The following CSMD1 variants were observed in gnomAD, a reference collection of about 807,000 sequenced individuals.
CSMD1 encodes the protein CUB and Sushi multiple domains 1.
Under a neutral mutation model 417.5 loss-of-function variants are expected in CSMD1, and 213 were observed. The observed-to-expected ratio is 0.51, with a 90% CI of 0.46 to 0.57. CSMD1 has a LOEUF of 0.57. CSMD1 is among the 20% of genes least tolerant of loss of function. The pLI is 0.00. For synonymous variants in CSMD1, 2,862 were observed against 1,736.8 expected (o/e 1.65, Z -16.11); for missense variants, 6,923 against 4,529.7 (o/e 1.53, Z -15.17).
intron 3 of CSMD1, among the ~76,000 whole-genome samples, chr8:4,182,043 T>G (rs76330293): frequency 7.4e-5 from 5 of 67,740 alleles, no homozygotes; most frequent in Admixed American, 6.4e-4. Flanking sequence ...TGTGTGTGTG[T>G]CGGTGTGTGT....
chr8:3,057,794 T>C (rs1189440284), intron 49 of CSMD1, among the ~76,000 whole-genome samples: 1 of 152,228 alleles, frequency 6.6e-6, no homozygotes, highest in Non-Finnish European at 1.5e-5. Flanking sequence ...TGATTATGTA[T>C]TTTCAATTTT....
chr8:4,068,383 G>T (rs2042527), intron 3 of CSMD1, among the ~76,000 whole-genome samples: 55,565 of 151,942 alleles, frequency 0.37, 10,917 homozygotes, highest in South Asian at 0.49. Flanking sequence ...CCATGGGAGT[G>T]TGACTTTTAT....
intron 42 of CSMD1, among the ~76,000 whole-genome samples, chr8:3,110,996 T>C (rs1445098796): frequency 6.6e-6 from 1 of 152,336 alleles, no homozygotes; most frequent in Admixed American, 6.5e-5. Flanking sequence ...GAAAATGACA[T>C]GTCCAAACAC....
intron 2 of CSMD1, among the ~76,000 whole-genome samples, chr8:4,605,319 T>C (rs1800809097): frequency 6.6e-6 from 1 of 152,164 alleles, no homozygotes; most frequent in South Asian, 2.1e-4. Flanking sequence ...GGGTGGGTTC[T>C]CTTGAAGCAA....
chr8:3,783,121 G>T (rs190796822), intron 5 of CSMD1, among the ~76,000 whole-genome samples: 1 of 152,086 alleles, frequency 6.6e-6, no homozygotes, highest in East Asian at 1.9e-4. Flanking sequence ...CCCTTCTCGG[G>T]ATTTATCCAG....
intron 3 of CSMD1, among the ~76,000 whole-genome samples, chr8:4,233,429 C>T (rs909513308): frequency 1.3e-5 from 2 of 152,124 alleles, no homozygotes; most frequent in East Asian, 1.9e-4. Flanking sequence ...AACCTGACCC[C>T]GAATGTGATG....
chr8:4,340,059 G>C (rs189473521), intron 3 of CSMD1, among the ~76,000 whole-genome samples: 21 of 152,134 alleles, frequency 1.4e-4, no homozygotes, highest in African/African-American at 5.1e-4. Context: ...GTATGTTTTA[G>C]GACTGACTCT....
At chr8:3,622,411 A>G (rs774181348) in intron 7 of CSMD1, among the ~76,000 whole-genome samples, 18 of 152,156 alleles carry the variant, frequency 1.2e-4, no homozygotes, top group Admixed American at 6.5e-4. Context: ...AATACAACAC[A>G]CCAAGGCTTA....
chr8:4,284,444 C>G (rs1796952198), intron 3 of CSMD1, among the ~76,000 whole-genome samples: 1 of 149,672 alleles, frequency 6.7e-6, no homozygotes, highest in African/African-American at 2.5e-5. Flanking sequence ...TACCTCCACT[C>G]CGTGTTCCCT....
At chr8:4,981,571 T>C (rs748664048) in intron 1 of CSMD1, among the ~76,000 whole-genome samples, 4 of 152,218 alleles carry the variant, frequency 2.6e-5, no homozygotes, top group Admixed American at 6.5e-5. Context: ...CATTTATTAT[T>C]TATGTTTGTT....
At chr8:4,592,088 G>A (rs981330904) in intron 2 of CSMD1, among the ~76,000 whole-genome samples, 1 of 152,062 alleles carries the variant, frequency 6.6e-6, no homozygotes, top group African/African-American at 2.4e-5. Flanking sequence ...GTAGGGACAT[G>A]CTGGTAGATG....
chr8:3,194,610 A>G (rs1448772823), intron 33 of CSMD1, among the ~76,000 whole-genome samples: 1 of 148,684 alleles, frequency 6.7e-6, no homozygotes, highest in Admixed American at 6.9e-5. Context: ...GGCACATGCC[A>G]CCACACTTGG....
At chr8:4,908,330 T>A (rs1264156909) in intron 1 of CSMD1, among the ~76,000 whole-genome samples, 1 of 152,190 alleles carries the variant, frequency 6.6e-6, no homozygotes, top group Non-Finnish European at 1.5e-5. Context: ...TATAGGTAGG[T>A]GTAGATAATT....
intron 5 of CSMD1, among the ~76,000 whole-genome samples, chr8:3,767,885 G>C (rs62479698): frequency 6.6e-6 from 1 of 151,938 alleles, no homozygotes; most frequent in Non-Finnish European, 1.5e-5. Flanking sequence ...TATATATCAT[G>C]GTAAAAAGTT....
chr8:3,440,599 C>T (rs979768889), intron 12 of CSMD1, among the ~76,000 whole-genome samples: 2 of 152,080 alleles, frequency 1.3e-5, no homozygotes, highest in African/African-American at 4.8e-5. Flanking sequence ...CAAGTAGAGT[C>T]AGGTTTACTG....
chr8:3,651,904 T>C (rs1453229762), intron 7 of CSMD1, among the ~76,000 whole-genome samples: 2 of 144,938 alleles, frequency 1.4e-5, no homozygotes, highest in Non-Finnish European at 3.0e-5. Flanking sequence ...ACCATCAGAG[T>C]GCTTACCATC....
Position 3,167,291 on chromosome 8 carries a change from G to GAAAAAAAAA in CSMD1, c.5726-5023_5726-5015dup, listed in dbSNP as rs61026104. Among the ~76,000 whole-genome samples, 10 of 102,644 alleles carry GAAAAAAAAA rather than the reference G, an allele frequency of 9.7e-5. 1 individual carries two copies. Among genetic ancestry groups the GAAAAAAAAA allele is most frequent in the African/African-American group, 1.4e-4 (4 of 28,484 alleles). The allele number at this position is 102,644 out of a possible 152,430, so 67.3% of individuals were successfully genotyped here. On this transcript the variant is annotated intron_variant, in intron 37 of 69. Coordinates refer to ENST00000635120, the MANE Select transcript of CSMD1 (RefSeq NM_033225.6). ...AGAGCAAGACTCCAACTTGGAAAAA[G>GAAAAAAAAA]AAAAAAAAAAAAAAAAAAGGTGGTT...
chr8:4,681,483 A>G (rs1806048053), intron 1 of CSMD1, among the ~76,000 whole-genome samples: 1 of 152,166 alleles, frequency 6.6e-6, no homozygotes, highest in Non-Finnish European at 1.5e-5. Context: ...AATGGTGAGC[A>G]CAAATGATGT....
At chr8:3,609,478 G>A (rs2469337) in intron 8 of CSMD1, among the ~76,000 whole-genome samples, 14,205 of 151,894 alleles carry the variant, frequency 0.094, 743 homozygotes, top group Non-Finnish European at 0.11. Context: ...TATTTTCTTC[G>A]GGTATTTTAT....
Sources: gnomAD v4.1 joint callset for allele counts (sites outside exome capture counted in the v4.1 genomes callset) on GRCh38, gnomAD v4.1.1 for gene constraint, MANE v1.5 for transcripts, NCBI Gene and HGNC (gene_info 2026-07-23, HGNC 2026-07-21) for gene names.